TRAPPC12: variants seen among roughly 807,000 people sequenced by gnomAD.
The protein encoded by TRAPPC12 is TPR repeat protein 15.
TRAPPC12 carries 61 observed loss-of-function variants against 69.2 expected under a neutral mutation model. The observed-to-expected ratio is 0.88, with a 90% CI of 0.72 to 1.09. The LOEUF (loss-of-function observed/expected upper bound fraction) is 1.09. Ranked by LOEUF, TRAPPC12 falls within the 50% of genes least tolerant of loss-of-function variation. TRAPPC12 has a pLI of 0.00. For synonymous variants in TRAPPC12, 469 were observed against 438.9 expected (o/e 1.07, Z -0.86); for missense variants, 1,101 against 1,016.4 (o/e 1.08, Z -1.13).
At position 3,402,317 on chromosome 2, in the gene TRAPPC12, C is replaced by T. The variant is rs573994058; in HGVS notation, c.1164+424C>T. ...TAGGTTTTTAAAATTCATGGCTGGG[C>T]GCAGTGGCTCACACCTGTAATCCCA... On this transcript the variant is annotated intron_variant, in intron 3 of 11. Transcript: ENST00000324266. Among the ~76,000 whole-genome samples, 175 of 152,238 alleles carry T rather than the reference C, an allele frequency of 1.1e-3. 1 individual carries two copies. Among genetic ancestry groups the T allele is most frequent in the African/African-American group, 2.6e-3 (107 of 41,546 alleles).
chr2:3,448,149 C>G lies in TRAPPC12; in HGVS notation c.1530+4258C>G, dbSNP rs76620117. Among the ~76,000 whole-genome samples the G allele has an allele frequency of 0.017, 2,623 of 152,288 alleles. 112 individuals are homozygous for G. In the East Asian group the frequency reaches 0.17, roughly 10 times the overall value. ...AGCAGCTGCAAGTGATTTTATTATC[C>G]TCGGTTCCCAGATGAGGAAAGTGGC... is the stretch of plus-strand genomic sequence containing the variant. On this transcript the variant is annotated intron_variant, in intron 6 of 11. Transcript: ENST00000324266.
intron 5 of TRAPPC12, among the ~76,000 whole-genome samples, chr2:3,435,240 C>G (rs1204481573): frequency 6.6e-6 from 1 of 152,190 alleles, no homozygotes; most frequent in African/African-American, 2.4e-5. Flanking sequence ...TCTCTAACTT[C>G]CAGCCTCAAG....
chr2:3,439,468 G>A (rs1248097478), intron 5 of TRAPPC12, among the ~76,000 whole-genome samples: 7 of 151,974 alleles, frequency 4.6e-5, no homozygotes. Context: ...ATTTTTTGTA[G>A]AAACAAAAAA....
At chr2:3,408,924 G>C (rs1034441100) in intron 3 of TRAPPC12, among the ~76,000 whole-genome samples, 1 of 152,216 alleles carries the variant, frequency 6.6e-6, no homozygotes, top group Admixed American at 6.5e-5. Context: ...ACGTGCACCT[G>C]TTCCCACACA....
At chr2:3,475,214 T>C (rs2103173479) in intron 9 of TRAPPC12, among the ~76,000 whole-genome samples, 1 of 152,290 alleles carries the variant, frequency 6.6e-6, no homozygotes, top group East Asian at 1.9e-4. Flanking sequence ...CCTTAGCCTC[T>C]CATGTAGCTG....
chr2:3,394,127 GTCT>G lies in TRAPPC12; in HGVS notation c.1047+5460_1047+5462del, dbSNP rs1660983348. 2.6e-5 allele frequency among the ~76,000 whole-genome samples: 4 copies of G among 152,268 alleles called. No individual in the cohort carries two copies. The South Asian group carries it at 8.3e-4, about 32-fold the overall frequency. On this transcript the variant is annotated intron_variant, in intron 2 of 11. Coordinates refer to ENST00000324266, the MANE Select transcript of TRAPPC12 (RefSeq NM_016030.6). The stretch of plus-strand genomic sequence containing the variant: ...GTCCAGGAAGCTTTTTCCCATTGCT[GTCT>G]TCCAGCCATCTGGAAGAGGGAGAGG...
rs1272325667 is a variant in TRAPPC12 at position 3,465,656 on chromosome 2, G to T, written c.1737G>T (p.Glu579Asp). ...HSVIKYYPEQ[E>D]PQLLSGIGRI... ...TTATCAAGTATTACCCAGAGCAAGAGCCCCAGCTGCTCAGCGGCATCGGCC... is the reference window on the plus strand; with the variant it reads ...TTATCAAGTATTACCCAGAGCAAGATCCCCAGCTGCTCAGCGGCATCGGCC... Residue 579 changes from glutamate to aspartate, a missense_variant, in exon 9 of 12, where the codon GAG becomes GAT. Physicochemically the swap from Glu to Asp is conservative, Grantham distance 45. Coordinates refer to ENST00000324266, the MANE Select transcript of TRAPPC12 (RefSeq NM_016030.6). 19 of 1,614,074 alleles carry T rather than the reference G, an allele frequency of 1.2e-5. No individual in the cohort carries two copies. Among genetic ancestry groups the T allele is most frequent in the Non-Finnish European group, 1.5e-5 (18 of 1,180,036 alleles).
intron 3 of TRAPPC12, among the ~76,000 whole-genome samples, chr2:3,407,827 G>A (rs1661814588): frequency 6.6e-6 from 1 of 151,948 alleles, no homozygotes; most frequent in Admixed American, 6.6e-5. Context: ...AGAAAATGGA[G>A]GAGGGCCACC....
At chr2:3,402,009 G>C (rs547022746) in intron 3 of TRAPPC12, 116 bp downstream of exon 3, 17 of 724,348 alleles carry the variant, frequency 2.3e-5, no homozygotes, top group Admixed American at 2.8e-5. Flanking sequence ...TTGCACATAA[G>C]TAGAATTTTG....
chr2:3,406,633 G>A (rs112452457), intron 3 of TRAPPC12, among the ~76,000 whole-genome samples: 2 of 152,138 alleles, frequency 1.3e-5, no homozygotes, highest in South Asian at 2.1e-4. Context: ...ATGCAGTTAC[G>A]GATCTCCAGG....
intron 1 of TRAPPC12, among the ~76,000 whole-genome samples, chr2:3,383,340 C>A (rs1660311280): frequency 6.6e-6 from 1 of 152,040 alleles, no homozygotes; most frequent in African/African-American, 2.4e-5. Flanking sequence ...AAAATATATT[C>A]TCTTATATTT....
chr2:3,435,376 CAT>C (rs1663708855), intron 5 of TRAPPC12, among the ~76,000 whole-genome samples: 1 of 152,150 alleles, frequency 6.6e-6, no homozygotes, highest in African/African-American at 2.4e-5. Context: ...TTTTAAATAA[CAT>C]TAACATTTTT....
chr2:3,444,805 G>GT (rs1558388358), intron 6 of TRAPPC12, among the ~76,000 whole-genome samples: 1 of 152,116 alleles, frequency 6.6e-6, no homozygotes, highest in African/African-American at 2.4e-5. Context: ...AAAAACAGGC[G>GT]TTTCTAGGCC....
At chr2:3,419,539 C>T (rs1662655987) in intron 3 of TRAPPC12, among the ~76,000 whole-genome samples, 1 of 151,810 alleles carries the variant, frequency 6.6e-6, no homozygotes, top group African/African-American at 2.4e-5. Context: ...TCATCTTCAC[C>T]GTCGATCAGT....
At chr2:3,421,584 A>G (rs1383877127) in intron 3 of TRAPPC12, 4 of 616,186 alleles carry the variant, frequency 6.5e-6, no homozygotes, top group African/African-American at 1.8e-5. Flanking sequence ...GGAGCTTTCC[A>G]ATAAAAAGCC....
intron 9 of TRAPPC12, among the ~76,000 whole-genome samples, chr2:3,466,567 C>A (rs549835162): frequency 6.6e-6 from 1 of 152,374 alleles, no homozygotes; most frequent in South Asian, 2.1e-4. Flanking sequence ...GCACTCTCAG[C>A]TAACAGCTGG....
chr2:3,414,133 T>C lies in TRAPPC12; in HGVS notation c.1165-7748T>C, dbSNP rs555108215. 4.6e-5 allele frequency among the ~76,000 whole-genome samples: 7 copies of C among 152,288 alleles called. No homozygotes were observed. The South Asian group carries it at 1.5e-3, about 32-fold the overall frequency. ...ACATTTTTAAGCTATCTAAAATGTT[T>C]TATCATAAATTTAAATGGTTTCAAA... On this transcript the variant is annotated intron_variant, in intron 3 of 11. Transcript: ENST00000324266. The surrounding 1 kb of genome is among the most constrained non-coding windows in gnomAD (Gnocchi z 4.9).
chr2:3,410,448 A>C (rs943427933), intron 3 of TRAPPC12, among the ~76,000 whole-genome samples: 4 of 152,218 alleles, frequency 2.6e-5, no homozygotes, highest in Admixed American at 2.6e-4. Flanking sequence ...TTAGAATATG[A>C]AATCATGGCA....
chr2:3,406,806 T>C (rs1342607671), intron 3 of TRAPPC12, among the ~76,000 whole-genome samples: 1 of 152,188 alleles, frequency 6.6e-6, no homozygotes, highest in East Asian at 1.9e-4. Context: ...CACAAAGCCA[T>C]GCATGTTAAT....
Sources: gnomAD v4.1 joint callset for allele counts (sites outside exome capture counted in the v4.1 genomes callset) on GRCh38, gnomAD v4.1.1 for gene constraint, Gnocchi (gnomAD v3.1) non-coding constraint, MANE v1.5 for transcripts, NCBI Gene and HGNC (gene_info 2026-07-23, HGNC 2026-07-21) for gene names.